Variants in LAMA2 observed in about 807,000 individuals in gnomAD.
LAMA2 encodes the protein laminin subunit alpha-2.
Under a neutral mutation model 364.8 loss-of-function variants are expected in LAMA2, and 269 were observed. That is an observed-to-expected ratio of 0.74 (90% CI 0.67 to 0.82). LAMA2 has a LOEUF of 0.82. Among genes scored for constraint, LAMA2 ranks in the 40% least tolerant of loss-of-function variants. LAMA2 has a pLI of 0.00. For missense variants in LAMA2, 3,807 were observed against 3,873.2 expected (o/e 0.98, Z 0.45); for synonymous variants, 1,379 against 1,370.6 (o/e 1.01, Z -0.14).
intron 17 of LAMA2, among the ~76,000 whole-genome samples, chr6:129,277,004 A>C (rs1422448130): frequency 6.6e-6 from 1 of 152,158 alleles, no homozygotes; most frequent in Non-Finnish European, 1.5e-5. Flanking sequence ...TAAAAATAAA[A>C]GTATATATTC....
chr6:129,047,140 C>T (rs572113747), intron 1 of LAMA2, among the ~76,000 whole-genome samples: 14 of 151,782 alleles, frequency 9.2e-5, no homozygotes, highest in East Asian at 7.7e-4. Context: ...ACCTGACAAA[C>T]GTCACAAAAT....
At chr6:128,930,067 C>T in intron 1 of LAMA2, 1 of 351,660 alleles carries the variant, frequency 2.8e-6, no homozygotes, top group South Asian at 3.6e-5. Flanking sequence ...GCAGGGCCGG[C>T]CGGCAGCGGG....
chr6:129,512,474 T>A lies in LAMA2; in HGVS notation c.8969T>A (p.Ile2990Asn). The part of the protein sequence containing the change: ...ISSQKMDGMG[I>N]EMIDEKLMFH... ...AGTCAAAAAATGGATGGAATGGGTA[T>A]TGAAATGATTGATGAAAAGGTGAGT... Residue 2990 changes from isoleucine to asparagine, a missense_variant, in exon 63 of 65, where the codon ATT becomes AAT. By Grantham distance (149) the Ile-to-Asn change is moderately radical. This residue lies in a region of LAMA2 where 3,333 missense variants were observed against 3,345.7 expected (regional missense o/e 1.00). Transcript: ENST00000421865. 1 of 1,613,684 alleles carries A rather than the reference T, an allele frequency of 6.2e-7. No individual in the cohort carries two copies. The highest frequency in any genetic ancestry group is 8.5e-7 in the Non-Finnish European group (1 of 1,179,634).
intron 10 of LAMA2, among the ~76,000 whole-genome samples, chr6:129,189,726 GA>G (rs1781422405): frequency 6.6e-6 from 1 of 152,104 alleles, no homozygotes; most frequent in Non-Finnish European, 1.5e-5. Flanking sequence ...TCTGAAATGT[GA>G]AAAGTATTTA....
intron 1 of LAMA2, among the ~76,000 whole-genome samples, chr6:128,891,157 T>A (rs1016455387): frequency 1.3e-5 from 2 of 152,080 alleles, no homozygotes; most frequent in African/African-American, 4.8e-5. Flanking sequence ...AATCTTTGAA[T>A]AAGAAAATCT....
chr6:129,370,459 C>T (rs770564778), intron 34 of LAMA2, among the ~76,000 whole-genome samples: 33 of 152,188 alleles, frequency 2.2e-4, no homozygotes, highest in Non-Finnish European at 4.3e-4. Flanking sequence ...GCTTAAGACA[C>T]TTTTTAAAGT....
At chr6:129,154,723 G>A in intron 8 of LAMA2, 40 bp downstream of exon 8, 1 of 1,531,062 alleles carries the variant, frequency 6.5e-7, no homozygotes, top group Non-Finnish European at 9.0e-7. Flanking sequence ...TTATTTTTTT[G>A]CTTTTTCATA....
intron 17 of LAMA2, among the ~76,000 whole-genome samples, chr6:129,273,820 T>C (rs1202880729): frequency 6.6e-6 from 1 of 152,048 alleles, no homozygotes; most frequent in Admixed American, 6.6e-5. Context: ...GTGATAACAA[T>C]ACCAGTAACA....
intron 1 of LAMA2, among the ~76,000 whole-genome samples, chr6:128,892,216 C>T (rs541407945): frequency 6.6e-6 from 1 of 152,070 alleles, no homozygotes; most frequent in East Asian, 1.9e-4. Flanking sequence ...CTATTTATCT[C>T]ATTGCCAAGA....
rs780248935 is a variant in LAMA2, at chr6:129,192,862, A to G, written c.1782+9A>G. On this transcript the variant is annotated intron_variant, in intron 12 of 64. Transcript: ENST00000421865. ...CCTATCTGGGAAACAAAGTAAGTCC[A>G]CGCTTGCTTCCCGCTATTCTGCTTT... The G allele has an allele frequency of 1.1e-5, 18 of 1,613,146 alleles. No homozygotes were observed. In the South Asian group the frequency reaches 2.0e-4, roughly 18 times the overall value.
intron 1 of LAMA2, among the ~76,000 whole-genome samples, chr6:128,886,309 C>T (rs962741935): frequency 6.6e-6 from 1 of 151,792 alleles, no homozygotes; most frequent in Non-Finnish European, 1.5e-5. Context: ...AAAAAAAAGT[C>T]CATTTGTGCT....
At chr6:129,313,158 T>G in intron 23 of LAMA2, 61 bp downstream of exon 23, 2 of 1,025,862 alleles carry the variant, frequency 1.9e-6, no homozygotes, top group Non-Finnish European at 2.9e-6. Context: ...CATTGCTCAG[T>G]TTTAACTTCA....
intron 1 of LAMA2, among the ~76,000 whole-genome samples, chr6:129,033,096 G>A (rs1366824708): frequency 6.6e-6 from 1 of 151,992 alleles, no homozygotes; most frequent in Non-Finnish European, 1.5e-5. Context: ...TATAACTTGG[G>A]AGTTATTGAC....
intron 1 of LAMA2, among the ~76,000 whole-genome samples, chr6:128,927,340 A>G (rs892500785): frequency 6.6e-6 from 1 of 152,136 alleles, no homozygotes; most frequent in African/African-American, 2.4e-5. Context: ...GTACTCCAAT[A>G]TTTCTATTTT....
At chr6:129,387,066 C>T (rs1361675607) in intron 35 of LAMA2, among the ~76,000 whole-genome samples, 1 of 151,746 alleles carries the variant, frequency 6.6e-6, no homozygotes, top group Non-Finnish European at 1.5e-5. Context: ...AAAAAAACAA[C>T]CTCATGACTG....
At chr6:129,495,064 G>A (rs373161390) in intron 58 of LAMA2, among the ~76,000 whole-genome samples, 1 of 152,154 alleles carries the variant, frequency 6.6e-6, no homozygotes, top group African/African-American at 2.4e-5. Context: ...CTTAATGCAT[G>A]GGTTCCTTTT....
chr6:128,981,579 CAAAA>C (rs145266584), intron 1 of LAMA2, among the ~76,000 whole-genome samples: 11 of 119,458 alleles, frequency 9.2e-5, no homozygotes, highest in Admixed American at 1.8e-4. Context: ...CCATCTCTAC[CAAAA>C]AAAAAAAAAA....
intron 37 of LAMA2, 98 bp from the exon 38 acceptor site, chr6:129,401,126 G>T: frequency 1.2e-6 from 1 of 817,720 alleles, no homozygotes. Flanking sequence ...TACCTTTTTT[G>T]CTAAGCTTTT....
chr6:129,350,207 A>G (rs1437677807), intron 31 of LAMA2, among the ~76,000 whole-genome samples: 2 of 152,258 alleles, frequency 1.3e-5, no homozygotes, highest in Non-Finnish European at 2.9e-5. Flanking sequence ...CATTATACAC[A>G]CATGATAGTT....
Sources: gnomAD v4.1 joint callset for allele counts (sites outside exome capture counted in the v4.1 genomes callset) on GRCh38, gnomAD v4.1.1 for gene constraint, gnomAD v4.1.1 regional missense constraint, MANE v1.5 for transcripts, NCBI Gene and HGNC (gene_info 2026-07-23, HGNC 2026-07-21) for gene names.